CTNNA3: variants seen among roughly 807,000 people sequenced by gnomAD.
CTNNA3 encodes catenin alpha 3.
In CTNNA3, 76 loss-of-function variants were observed where a neutral mutation model predicts 95.7. The ratio of observed to expected loss-of-function variants is 0.79; its 90% CI spans 0.66 to 0.96. The LOEUF is 0.96. Among genes scored for constraint, CTNNA3 ranks in the 40% least tolerant of loss-of-function variants. CTNNA3 has a pLI of 0.00. For synonymous variants in CTNNA3, 431 were observed against 374.4 expected (o/e 1.15, Z -1.74); for missense variants, 1,191 against 1,089.8 (o/e 1.09, Z -1.31).
intron 9 of CTNNA3, among the ~76,000 whole-genome samples, chr10:66,674,664 T>G (rs749008829): frequency 5.9e-5 from 9 of 152,064 alleles, no homozygotes; most frequent in Non-Finnish European, 1.2e-4. Flanking sequence ...ATATTTCATT[T>G]GTTCTAATTC....
At chr10:66,773,386 T>C (rs547752830) in intron 8 of CTNNA3, among the ~76,000 whole-genome samples, 2 of 152,266 alleles carry the variant, frequency 1.3e-5, no homozygotes, top group African/African-American at 2.4e-5. Context: ...TCAGCTTCCG[T>C]CTCCCTTTTC....
intron 7 of CTNNA3, among the ~76,000 whole-genome samples, chr10:67,020,919 T>C (rs1852967914): frequency 6.6e-6 from 1 of 152,166 alleles, no homozygotes. Flanking sequence ...ACATTGTGGC[T>C]AACACTTACA....
At chr10:67,369,819 T>G (rs979210041) in intron 5 of CTNNA3, among the ~76,000 whole-genome samples, 17 of 152,168 alleles carry the variant, frequency 1.1e-4, no homozygotes, top group Admixed American at 1.3e-4. Flanking sequence ...CACTGTTAGT[T>G]AGGCTTCAGC....
At chr10:65,964,774 T>C (rs1047199639) in intron 17 of CTNNA3, among the ~76,000 whole-genome samples, 2 of 152,222 alleles carry the variant, frequency 1.3e-5, no homozygotes, top group Admixed American at 6.5e-5. Flanking sequence ...CTTTTTTACA[T>C]ATTTAAGGCA....
At chr10:67,160,140 C>T (rs1277049051) in intron 7 of CTNNA3, among the ~76,000 whole-genome samples, 5 of 152,024 alleles carry the variant, frequency 3.3e-5, no homozygotes, top group Admixed American at 2.6e-4. Flanking sequence ...CACTAGTCAT[C>T]AGGAAAATGA....
chr10:66,689,245 A>C (rs1174433799), intron 9 of CTNNA3, among the ~76,000 whole-genome samples: 1 of 152,120 alleles, frequency 6.6e-6, no homozygotes, highest in Admixed American at 6.5e-5. Context: ...GTGGTATAAA[A>C]ATTTTTTTTG....
At chr10:66,364,886 G>T (rs1174753205) in intron 12 of CTNNA3, among the ~76,000 whole-genome samples, 3 of 152,208 alleles carry the variant, frequency 2.0e-5, no homozygotes, top group African/African-American at 7.2e-5. Context: ...TCTCTAAAAT[G>T]ATGAAACCAT....
chr10:66,481,575 C>T (rs1303341362), intron 11 of CTNNA3, among the ~76,000 whole-genome samples: 1 of 136,040 alleles, frequency 7.4e-6, no homozygotes, highest in Non-Finnish European at 1.5e-5. Context: ...GGGTTCACGC[C>T]ATTCTCCTGC....
chr10:67,186,045 A>AACT (rs1862832167), intron 6 of CTNNA3, among the ~76,000 whole-genome samples: 2 of 150,366 alleles, frequency 1.3e-5, no homozygotes, highest in Admixed American at 6.6e-5. Context: ...AAAAAAAAAA[A>AACT]ATTAAACCAT....
intron 5 of CTNNA3, among the ~76,000 whole-genome samples, chr10:67,346,877 A>C (rs549913552): frequency 1.3e-5 from 2 of 152,118 alleles, no homozygotes; most frequent in South Asian, 2.1e-4. Flanking sequence ...TTGTGCCCTC[A>C]GCTTGAGACA....
At chr10:66,305,129 C>A (rs2132239901) in intron 12 of CTNNA3, among the ~76,000 whole-genome samples, 1 of 152,188 alleles carries the variant, frequency 6.6e-6, no homozygotes, top group Non-Finnish European at 1.5e-5. Context: ...AAGTTAATTT[C>A]TCTTGCTTCC....
chr10:66,775,746 C>G (rs902746390), intron 7 of CTNNA3, among the ~76,000 whole-genome samples: 6 of 152,098 alleles, frequency 3.9e-5, no homozygotes, highest in Non-Finnish European at 7.4e-5. Flanking sequence ...ATTTCCGATA[C>G]GGAGTTAGGT....
intron 7 of CTNNA3, among the ~76,000 whole-genome samples, chr10:66,818,094 CAAA>C (rs5785790): frequency 3.5e-5 from 5 of 144,060 alleles, no homozygotes; most frequent in Admixed American, 6.9e-5. Context: ...TATTATTAAC[CAAA>C]AAAAAAAAAA....
At chr10:67,060,841 AAG>A (rs1366285829) in intron 7 of CTNNA3, among the ~76,000 whole-genome samples, 1 of 149,066 alleles carries the variant, frequency 6.7e-6, no homozygotes, top group African/African-American at 2.5e-5. Context: ...TGACATGAAA[AAG>A]AAATACATTT....
chr10:66,927,799 C>A lies in CTNNA3; in HGVS notation c.1048-152275G>T. The A allele has an allele frequency of 1.2e-6, 2 of 1,614,148 alleles. No individual in the cohort carries two copies. The highest frequency in any genetic ancestry group is 2.2e-5 in the South Asian group (2 of 91,058). ...TTCCAACAAGCTCACATTTATTGGT[C>A]AAGAGATTTTGGATTCTTGGATATC... On this transcript the variant is annotated intron_variant, in intron 7 of 17. Coordinates refer to ENST00000433211, the MANE Select transcript of CTNNA3 (RefSeq NM_013266.4). The surrounding 1 kb of genome is among the most constrained non-coding windows in gnomAD (Gnocchi z 4.7).
At position 66,873,530 on chromosome 10, in the gene CTNNA3, T is replaced by C. The variant is rs181326008; in HGVS notation, c.1048-98006A>G. On this transcript the variant is annotated intron_variant, in intron 7 of 17. Transcript: ENST00000433211. ...TGTAAGTCCTCTTTTGAGAAGTGTC[T>C]GTTCTTGCCCTCTGTCCATTTTTTA... Among the ~76,000 whole-genome samples, 52 of 152,286 alleles carry C rather than the reference T, an allele frequency of 3.4e-4. 1 individual carries two copies. The highest frequency in any genetic ancestry group is 1.2e-3 in the African/African-American group (50 of 41,562).
intron 4 of CTNNA3, among the ~76,000 whole-genome samples, chr10:67,526,011 A>G (rs1405917651): frequency 1.3e-5 from 2 of 152,228 alleles, no homozygotes; most frequent in Non-Finnish European, 2.9e-5. Context: ...GTGTCCCTAA[A>G]TCATCTGTTT....
At chr10:67,336,645 C>T (rs1341846389) in intron 5 of CTNNA3, among the ~76,000 whole-genome samples, 4 of 152,136 alleles carry the variant, frequency 2.6e-5, no homozygotes, top group African/African-American at 7.2e-5. Context: ...AAAGTCAATG[C>T]TTGGTTTCAA....
chr10:67,390,455 C>G (rs995919929), intron 5 of CTNNA3, among the ~76,000 whole-genome samples: 1 of 152,148 alleles, frequency 6.6e-6, no homozygotes, highest in East Asian at 1.9e-4. Context: ...GATGTATTCA[C>G]AGCCGAATTC....
Sources: gnomAD v4.1 joint callset for allele counts (sites outside exome capture counted in the v4.1 genomes callset) on GRCh38, gnomAD v4.1.1 for gene constraint, Gnocchi (gnomAD v3.1) non-coding constraint, MANE v1.5 for transcripts, NCBI Gene and HGNC (gene_info 2026-07-23, HGNC 2026-07-21) for gene names.